The following PRKCA variants were observed in gnomAD, a reference collection of about 807,000 sequenced individuals.
PRKCA encodes the protein protein kinase C alpha.
A neutral mutation model predicts 87.0 loss-of-function variants in PRKCA; 27 were observed. That is an observed-to-expected ratio of 0.31 (90% confidence interval 0.23 to 0.43). The LOEUF is 0.43. PRKCA is among the 20% of genes least tolerant of loss of function. The pLI is 1.00. For missense variants in PRKCA, 518 were observed against 852.3 expected, an observed-to-expected ratio of 0.61 and a Z score of 4.88; for synonymous variants, 329 against 311.1, an observed-to-expected ratio of 1.06 and a Z score of -0.61.
chr17:66,745,454 G>A (rs760315349), intron 13 of PRKCA, among the ~76,000 whole-genome samples: 3 of 151,694 alleles, frequency 2.0e-5, no homozygotes, highest in Admixed American at 6.6e-5. Flanking sequence ...GCCAAGGCAG[G>A]TGGATCAATT....
Position 66,737,779 on chromosome 17 carries a change from A to G in PRKCA, c.1231-985A>G, listed in dbSNP as rs781329938. Among the ~76,000 whole-genome samples, 18 of 152,356 alleles carry G rather than the reference A, an allele frequency of 1.2e-4. 1 individual carries two copies. The East Asian group carries it at 3.5e-3, about 29-fold the overall frequency. On this transcript the variant is annotated intron_variant, in intron 10 of 16. Transcript: ENST00000413366. ...GAGATGAGAGCAGCATGCTCGGAAG[A>G]GACAACCACAGCTCTGAATCCCAGC...
intron 10 of PRKCA, among the ~76,000 whole-genome samples, chr17:66,736,492 G>A (rs551104375): frequency 3.4e-4 from 52 of 152,128 alleles, no homozygotes; most frequent in African/African-American, 1.2e-3. Context: ...TGGCCAGGCC[G>A]GTCTTGAACT....
chr17:66,533,244 C>T (rs76668973), intron 3 of PRKCA, among the ~76,000 whole-genome samples: 4,187 of 152,250 alleles, frequency 0.028, 173 homozygotes, highest in African/African-American at 0.095. Context: ...TTTCCCATCA[C>T]GTCTTCTCTT....
rs536899477 is a variant in PRKCA at position 66,748,951 on chromosome 17, A to G, written c.1524+6191A>G. Among the ~76,000 whole-genome samples the G allele has an allele frequency of 1.7e-3, 262 of 152,128 alleles. 1 individual carries two copies. Among genetic ancestry groups the G allele is most frequent in the African/African-American group, 5.7e-3 (238 of 41,490 alleles). ...ACAGGAGACCTCACGGTGGCAGGAA[A>G]GCTGAAACCCCCTCCCTGGCCAGTC... On this transcript the variant is annotated intron_variant, in intron 13 of 16. Transcript: ENST00000413366.
intron 2 of PRKCA, among the ~76,000 whole-genome samples, chr17:66,323,831 T>A (rs1348481005): frequency 6.6e-6 from 1 of 152,122 alleles, no homozygotes; most frequent in Admixed American, 6.5e-5. Context: ...TCCCAGCTAC[T>A]GTGGAGGCTG....
At chr17:66,562,090 AATAT>A (rs548680258) in intron 3 of PRKCA, among the ~76,000 whole-genome samples, 7 of 113,136 alleles carry the variant, frequency 6.2e-5, no homozygotes, top group Admixed American at 3.5e-4. Context: ...TATATAATTA[AATAT>A]ATATAATTAA....
chr17:66,413,525 T>A (rs188774886), intron 2 of PRKCA, among the ~76,000 whole-genome samples: 1 of 152,168 alleles, frequency 6.6e-6, no homozygotes, highest in Non-Finnish European at 1.5e-5. Context: ...TCTAATCAGA[T>A]GATTTTCCTG....
chr17:66,794,350 G>A (rs185332861), intron 16 of PRKCA, among the ~76,000 whole-genome samples: 110 of 152,254 alleles, frequency 7.2e-4, no homozygotes, highest in Non-Finnish European at 1.2e-4. Flanking sequence ...ACACACAATC[G>A]GGGTTCCTTT....
At chr17:66,592,269 C>T (rs148567194) in intron 3 of PRKCA, among the ~76,000 whole-genome samples, 1,702 of 145,190 alleles carry the variant, frequency 0.012, 31 homozygotes, top group African/African-American at 0.042. Context: ...GCAGGAGAAT[C>T]GCTTGAACCC....
chr17:66,775,853 G>A (rs1801524069), intron 14 of PRKCA: 1 of 780,654 alleles, frequency 1.3e-6, no homozygotes, highest in South Asian at 5.8e-5. Context: ...GCTTAGAGGA[G>A]GAGAGACAGC....
At chr17:66,560,363 A>G (rs970091114) in intron 3 of PRKCA, among the ~76,000 whole-genome samples, 1 of 152,240 alleles carries the variant, frequency 6.6e-6, no homozygotes, top group Non-Finnish European at 1.5e-5. Flanking sequence ...AGCCATTTCT[A>G]TGAAACATTT....
chr17:66,447,829 T>G (rs1914112344), intron 2 of PRKCA, among the ~76,000 whole-genome samples: 1 of 152,242 alleles, frequency 6.6e-6, no homozygotes, highest in South Asian at 2.1e-4. Context: ...CCTTCTGAGA[T>G]GCTCTTTCTC....
At position 66,645,331 on chromosome 17, in the gene PRKCA, C is replaced by A. The variant is rs868178513; in HGVS notation, c.401-52C>A. The A allele has an allele frequency of 3.4e-5, 54 of 1,610,878 alleles. 1 individual carries two copies. The Middle Eastern group carries it at 6.7e-3, about 201-fold the overall frequency. On this transcript the variant is annotated intron_variant, in intron 4 of 16. Coordinates refer to ENST00000413366, the MANE Select transcript of PRKCA (RefSeq NM_002737.3). Reference sequence around the variant, plus strand: ...GCTCATGCACCAAAACACTGAGGAGCGGTGGTTGGAGTCCATATGCCCAGC... The same window carrying A: ...GCTCATGCACCAAAACACTGAGGAGAGGTGGTTGGAGTCCATATGCCCAGC...
chr17:66,658,721 A>G (rs946492746), intron 5 of PRKCA, among the ~76,000 whole-genome samples: 3 of 152,168 alleles, frequency 2.0e-5, no homozygotes, highest in Admixed American at 6.5e-5. Flanking sequence ...TACTCTATTA[A>G]TGGAGTTTTA....
chr17:66,303,830 C>T (rs1904651192), intron 1 of PRKCA, among the ~76,000 whole-genome samples: 2 of 152,060 alleles, frequency 1.3e-5, no homozygotes, highest in Admixed American at 1.3e-4. Flanking sequence ...TGGTGAAACC[C>T]CGTCTACTAA....
chr17:66,693,782 G>A (rs758842892), intron 8 of PRKCA, among the ~76,000 whole-genome samples: 20 of 152,322 alleles, frequency 1.3e-4, no homozygotes, highest in Non-Finnish European at 2.6e-4. Context: ...GTCTGCCGTT[G>A]CAGCTCAAAA....
chr17:66,711,439 C>A lies in PRKCA; in HGVS notation c.919-21249C>A, dbSNP rs568723966. 2.6e-5 allele frequency among the ~76,000 whole-genome samples: 4 copies of A among 152,264 alleles called. No homozygotes were observed. In the East Asian group the frequency reaches 7.7e-4, roughly 29 times the overall value. On this transcript the variant is annotated intron_variant, in intron 8 of 16. Coordinates refer to ENST00000413366, the MANE Select transcript of PRKCA (RefSeq NM_002737.3). ...TTCTCATTTTTTAATGTTTTCCCAA[C>A]TCAATCGTTGCAATCTAATCAACCA...
chr17:66,489,460 A>G (rs1916137421), intron 2 of PRKCA, among the ~76,000 whole-genome samples: 2 of 149,838 alleles, frequency 1.3e-5, no homozygotes, highest in African/African-American at 4.9e-5. Flanking sequence ...CATTTTGCAT[A>G]TAGATTAAGT....
intron 10 of PRKCA, 124 bp downstream of exon 10, chr17:66,735,786 C>T: frequency 8.7e-7 from 1 of 1,149,146 alleles, no homozygotes; most frequent in Admixed American, 2.5e-5. Flanking sequence ...TGATGTCAAG[C>T]AGAGGTGACT....
Sources: allele counts gnomAD v4.1 joint callset (sites outside exome capture counted in the v4.1 genomes callset), GRCh38; gene constraint gnomAD v4.1.1; transcripts MANE v1.5; gene names NCBI Gene and HGNC (gene_info 2026-07-23, HGNC 2026-07-21).